CACHD1: variants seen among roughly 807,000 people sequenced by gnomAD.
CACHD1 encodes VWFA and cache domain-containing protein 1.
A neutral mutation model predicts 138.7 loss-of-function variants in CACHD1; 71 were observed. The observed-to-expected ratio is 0.51, with a 90% CI of 0.42 to 0.62. The LOEUF (loss-of-function observed/expected upper bound fraction) is 0.62, where lower values mean the gene tolerates loss of function less well. CACHD1 is among the 20% of genes least tolerant of loss of function. CACHD1 has a pLI of 0.00. For missense variants in CACHD1, 1,389 were observed against 1,625.3 expected, an observed-to-expected ratio of 0.85 and a Z score of 2.50; for synonymous variants, 578 against 591.5, an observed-to-expected ratio of 0.98 and a Z score of 0.33.
chr1:64,509,977 A>T (rs1287297468), intron 1 of CACHD1, among the ~76,000 whole-genome samples: 1 of 152,246 alleles, frequency 6.6e-6, no homozygotes, highest in African/African-American at 2.4e-5. Context: ...CATGCCCCAC[A>T]TACATACATT....
chr1:64,559,410 T>C (rs140538366), intron 2 of CACHD1, among the ~76,000 whole-genome samples: 2,308 of 152,280 alleles, frequency 0.015, 57 homozygotes, highest in African/African-American at 0.053. Context: ...CCAAATACTG[T>C]ATGTTCTCAC....
chr1:64,641,277 C>T (rs1190992667), intron 7 of CACHD1, among the ~76,000 whole-genome samples: 1 of 152,014 alleles, frequency 6.6e-6, no homozygotes, highest in Non-Finnish European at 1.5e-5. Context: ...AACACAGTTA[C>T]CTGGCTTCTA....
chr1:64,658,559 A>G, intron 12 of CACHD1, 146 bp from the exon 13 acceptor site: 1 of 576,254 alleles, frequency 1.7e-6, no homozygotes, highest in Non-Finnish European at 3.0e-6. Context: ...CCCTATCCTC[A>G]TGTCTTCATT....
At chr1:64,511,359 C>T (rs1646419396) in intron 1 of CACHD1, among the ~76,000 whole-genome samples, 1 of 152,016 alleles carries the variant, frequency 6.6e-6, no homozygotes, top group African/African-American at 2.4e-5. Flanking sequence ...ATTTCAAATC[C>T]CTGGTTCTTT....
intron 13 of CACHD1, among the ~76,000 whole-genome samples, chr1:64,663,143 A>G (rs2100700941): frequency 6.6e-6 from 1 of 152,272 alleles, no homozygotes; most frequent in East Asian, 1.9e-4. Flanking sequence ...TTATATGTAG[A>G]TCTCAGATAG....
At position 64,581,803 on chromosome 1, in the gene CACHD1, G is replaced by A. The variant is rs561751625; in HGVS notation, c.262-353G>A. Among the ~76,000 whole-genome samples the A allele has an allele frequency of 1.5e-3, 228 of 152,254 alleles. 8 individuals are homozygous for A. In the South Asian group the frequency reaches 0.044, roughly 29 times the overall value. ...CCTCTTTATTCTCCCAGTCATTGTC[G>A]TTGCTCTGTAACACACAATGCCCAC... On this transcript the variant is annotated intron_variant, in intron 2 of 26. Transcript: ENST00000651257.
intron 19 of CACHD1, among the ~76,000 whole-genome samples, chr1:64,674,181 A>C (rs1649908528): frequency 6.6e-6 from 1 of 152,240 alleles, no homozygotes. Flanking sequence ...ACTGAGTCTC[A>C]AAAACTCTAT....
intron 2 of CACHD1, among the ~76,000 whole-genome samples, chr1:64,561,247 A>C (rs561876545): frequency 6.6e-6 from 1 of 152,068 alleles, no homozygotes; most frequent in African/African-American, 2.4e-5. Flanking sequence ...TTCACACAAA[A>C]TCTAAAACCC....
At chr1:64,535,721 C>G (rs1016279122) in intron 1 of CACHD1, among the ~76,000 whole-genome samples, 52 of 152,228 alleles carry the variant, frequency 3.4e-4, no homozygotes, top group African/African-American at 1.2e-3. Flanking sequence ...GAAACGTCCC[C>G]TAGTAAAGGA....
chr1:64,523,831 A>AAGAT (rs1646516354), intron 1 of CACHD1, among the ~76,000 whole-genome samples: 1 of 152,062 alleles, frequency 6.6e-6, no homozygotes, highest in Non-Finnish European at 1.5e-5. Context: ...TTCTTTTCCA[A>AAGAT]TGATTGTGCT....
intron 16 of CACHD1, among the ~76,000 whole-genome samples, chr1:64,668,766 T>C (rs765506129): frequency 1.3e-5 from 2 of 152,206 alleles, no homozygotes; most frequent in Non-Finnish European, 2.9e-5. Context: ...TTTTACTATT[T>C]AGAGCTGTGT....
chr1:64,667,669 C>G (rs143385322), intron 16 of CACHD1, among the ~76,000 whole-genome samples: 126 of 152,264 alleles, frequency 8.3e-4, no homozygotes, highest in Non-Finnish European at 1.7e-3. Flanking sequence ...AAGACTGTTT[C>G]TTTTGAGGGG....
At chr1:64,524,439 C>T (rs1452766424) in intron 1 of CACHD1, among the ~76,000 whole-genome samples, 1 of 152,170 alleles carries the variant, frequency 6.6e-6, no homozygotes, top group Non-Finnish European at 1.5e-5. Flanking sequence ...AATAGCACCA[C>T]TTACTGGGTT....
At chr1:64,543,019 T>A (rs973439361) in intron 1 of CACHD1, among the ~76,000 whole-genome samples, 4 of 150,618 alleles carry the variant, frequency 2.7e-5, no homozygotes, top group African/African-American at 9.9e-5. Flanking sequence ...ACACGCATAA[T>A]TAGAATAATA....
intron 6 of CACHD1, 106 bp from the exon 7 acceptor site, chr1:64,633,938 T>TC: frequency 1.3e-6 from 1 of 756,946 alleles, no homozygotes; most frequent in Non-Finnish European, 2.2e-6. Context: ...CAGAATCTGT[T>TC]CTGTAGGCCT....
intron 26 of CACHD1, among the ~76,000 whole-genome samples, chr1:64,682,427 G>A (rs1650222978): frequency 1.3e-5 from 2 of 152,060 alleles, no homozygotes; most frequent in African/African-American, 2.4e-5. Context: ...ATCTTTAAGG[G>A]CTTTTTCAGT....
intron 3 of CACHD1, among the ~76,000 whole-genome samples, chr1:64,599,731 TA>T (rs1267688185): frequency 6.6e-6 from 1 of 152,138 alleles, no homozygotes; most frequent in African/African-American, 2.4e-5. Context: ...GCAAAGGAAG[TA>T]AAACAACCTA....
chr1:64,505,820 C>G (rs1291667931), intron 1 of CACHD1: 2 of 146,174 alleles, frequency 1.4e-5, no homozygotes, highest in East Asian at 4.2e-4. Flanking sequence ...CCCCGCGGCC[C>G]GCGAGGCAGC....
intron 16 of CACHD1, among the ~76,000 whole-genome samples, chr1:64,667,139 TG>T (rs1216426414): frequency 6.6e-6 from 1 of 152,190 alleles, no homozygotes; most frequent in African/African-American, 2.4e-5. Flanking sequence ...AAATGTTTGG[TG>T]GGGAGGCAAG....
Sources: gnomAD v4.1 joint callset for allele counts (sites outside exome capture counted in the v4.1 genomes callset) on GRCh38, gnomAD v4.1.1 for gene constraint, MANE v1.5 for transcripts, NCBI Gene and HGNC (gene_info 2026-07-23, HGNC 2026-07-21) for gene names.